The following PTPRH variants were observed in gnomAD, a reference collection of about 807,000 sequenced individuals.
PTPRH encodes receptor-type tyrosine-protein phosphatase H.
A neutral mutation model predicts 130.2 loss-of-function variants in PTPRH; 113 were observed. The observed-to-expected ratio is 0.87, with a 90% CI of 0.75 to 1.01. The LOEUF is 1.01. PTPRH is among the 50% of genes least tolerant of loss of function. The probability of loss-of-function intolerance (pLI) is 0.00; values close to 1 mark genes in which losing one functional copy is unlikely to be tolerated. For missense variants in PTPRH, 1,430 were observed against 1,425.0 expected (o/e 1.00, Z -0.06); for synonymous variants, 556 against 577.9 (o/e 0.96, Z 0.54).
chr19:55,189,510 C>A (rs149836625), intron 12 of PTPRH, among the ~76,000 whole-genome samples: 1 of 152,306 alleles, frequency 6.6e-6, no homozygotes, highest in East Asian at 1.9e-4. Flanking sequence ...GTCGGAGACG[C>A]ACGATGTTCT....
chr19:55,200,177 C>A, intron 7 of PTPRH, 59 bp downstream of exon 7: 1 of 1,586,074 alleles, frequency 6.3e-7, no homozygotes, highest in Non-Finnish European at 8.6e-7. Flanking sequence ...GGTGCCACGC[C>A]GCTCCTGCTG....
Position 55,200,517 on chromosome 19 carries a change from A to G in PTPRH, c.1154-15T>C, listed in dbSNP as rs751833176. On this transcript the variant is annotated splice_polypyrimidine_tract_variant and intron_variant, in intron 6 of 19. Coordinates refer to ENST00000376350, the MANE Select transcript of PTPRH (RefSeq NM_002842.5). ...TGGGTTGGGGGCTGAGAAAGTAGGA[A>G]GAAGATCCTATGTTGTCGGAGATAC... 1 of 1,613,022 alleles carries G rather than the reference A, an allele frequency of 6.2e-7. No homozygotes were observed.
rs542201125 is a variant in PTPRH, at chr19:55,207,347, A to G, written c.52-148T>C. 549 of 787,370 alleles carry G rather than the reference A, an allele frequency of 7.0e-4. 14 individuals are homozygous for G. In the East Asian group the frequency reaches 0.015, roughly 21 times the overall value. 48.8% of individuals were successfully genotyped at this position (787,370 alleles called of 1,614,324 possible). A position where few individuals can be genotyped will look rare whatever the true frequency, so the allele number is the denominator to read the frequency against. ...GCCGGTGTTAGGCTGGGCTGTCACG[A>G]CCTCGACCGTCTTTCCTGGGTCGAG... On this transcript the variant is annotated intron_variant, in intron 1 of 19. Coordinates refer to ENST00000376350, the MANE Select transcript of PTPRH (RefSeq NM_002842.5).
chr19:55,198,680 C>T lies in PTPRH; in HGVS notation c.1653G>A (p.Glu551=). The change falls in exon 8 of 20, where the codon GAG becomes GAA. Residue 551 remains glutamate, a synonymous_variant. Coordinates refer to ENST00000376350, the MANE Select transcript of PTPRH (RefSeq NM_002842.5). ...TGAGGGTGCTGTTATAGCCTCTGAC[C>T]TCATTCCTCTCGGCCCAGACGGTGA... ...YHLTVWAERN[E]VRGYNSTLTA... is the part of the protein sequence containing the mutation. 6.2e-7 allele frequency: 1 copy of T among 1,613,462 alleles called. No individual in the cohort carries two copies. Among genetic ancestry groups the T allele is most frequent in the Non-Finnish European group, 8.5e-7 (1 of 1,179,664 alleles).
At chr19:55,192,935 A>G (rs530597434) in intron 10 of PTPRH, among the ~76,000 whole-genome samples, 1 of 151,936 alleles carries the variant, frequency 6.6e-6, no homozygotes, top group South Asian at 2.1e-4. Flanking sequence ...TGGTTGCTGA[A>G]GAGTGACTCC....
At chr19:55,193,240 A>G (rs2086593619) in intron 10 of PTPRH, among the ~76,000 whole-genome samples, 1 of 151,564 alleles carries the variant, frequency 6.6e-6, no homozygotes, top group Non-Finnish European at 1.5e-5. Flanking sequence ...AAAAAAAAAA[A>G]AGAAAAAGAA....
chr19:55,189,813 C>A (rs541181980), intron 12 of PTPRH: 101 of 446,586 alleles, frequency 2.3e-4, no homozygotes, highest in Non-Finnish European at 3.2e-4. Flanking sequence ...AGACCACCCC[C>A]CCGACCTCCA....
chr19:55,207,212 C>T lies in PTPRH; in HGVS notation c.52-13G>A, dbSNP rs1364129355. The T allele has an allele frequency of 6.2e-7, 1 of 1,612,472 alleles. No homozygotes were observed. The highest frequency in any genetic ancestry group is 1.1e-5 in the South Asian group (1 of 90,834). ...AGCTGCACAGGCCCTGGAGGGAACCCAGAGAAAACGGAGTCAGCCTCTCAA... is the reference window on the plus strand; with the variant it reads ...AGCTGCACAGGCCCTGGAGGGAACCTAGAGAAAACGGAGTCAGCCTCTCAA... On this transcript the variant is annotated splice_polypyrimidine_tract_variant and intron_variant, in intron 1 of 19. Coordinates refer to ENST00000376350, the MANE Select transcript of PTPRH (RefSeq NM_002842.5).
intron 10 of PTPRH, chr19:55,192,013 T>C (rs1302753895): frequency 6.7e-6 from 4 of 598,128 alleles, no homozygotes; most frequent in African/African-American, 1.8e-5. Context: ...GGAAGACCTT[T>C]ATGATGATCT....
At chr19:55,200,052 G>T (rs1426587327) in intron 7 of PTPRH, among the ~76,000 whole-genome samples, 184 bp downstream of exon 7, 1 of 152,216 alleles carries the variant, frequency 6.6e-6, no homozygotes, top group Non-Finnish European at 1.5e-5. Context: ...GTCTGGATGG[G>T]CTCTCTTCTT....
chr19:55,190,553 A>G (rs539150680), intron 12 of PTPRH, among the ~76,000 whole-genome samples: 97 of 131,894 alleles, frequency 7.4e-4, no homozygotes, highest in Non-Finnish European at 9.7e-4. Flanking sequence ...AATATATAAT[A>G]TATTATATAT....
intron 14 of PTPRH, among the ~76,000 whole-genome samples, chr19:55,187,117 G>T (rs560088832): frequency 6.6e-6 from 1 of 151,020 alleles, no homozygotes; most frequent in Admixed American, 6.6e-5. Flanking sequence ...AGGCCGAGGC[G>T]GGCAGATCAC....
chr19:55,209,243 C>A lies in PTPRH; in HGVS notation c.51+140G>T, dbSNP rs1373863922. The A allele has an allele frequency of 2.6e-6, 2 of 763,824 alleles. No homozygotes were observed. Among genetic ancestry groups the A allele is most frequent in the Non-Finnish European group, 4.5e-6 (2 of 441,194 alleles). The allele number at this position is 763,824 out of a possible 1,614,324, so 47.3% of individuals were successfully genotyped here. A position where few individuals can be genotyped will look rare whatever the true frequency, so the allele number is the denominator to read the frequency against. The stretch of plus-strand genomic sequence containing the variant: ...GTGTAAGACTCTCCTACAGTCTCTG[C>A]CAAGCCTGAAGCCCTCTTCCTTCTC... On this transcript the variant is annotated intron_variant, in intron 1 of 19. Transcript: ENST00000376350. This position sits in a 1 kb window ranked among gnomAD's most constrained non-coding sequence, Gnocchi z 4.1.
Position 55,181,834 on chromosome 19 carries a change from T to G in PTPRH, c.3268A>C (p.Lys1090Gln). 6.2e-7 allele frequency: 1 copy of G among 1,614,154 alleles called. No homozygotes were observed. The highest frequency in any genetic ancestry group is 1.1e-5 in the South Asian group (1 of 91,066). The change falls in exon 20 of 20, where the codon AAG becomes CAG. Residue 1090 changes from lysine (K) to glutamine (Q), a missense_variant. Transcript: ENST00000376350. ...TCGACATCCTCATACGGGACTTCCT[T>G]CTCGGCTGGGGCCTGGGCTGACTGT... ...LQQSAQAPAE[K>Q]EVPYEDVENL...
chr19:55,196,794 T>C lies in PTPRH; in HGVS notation c.1991-6A>G, dbSNP rs10418878. 3,520 of 1,609,760 alleles carry C rather than the reference T, an allele frequency of 2.2e-3. 72 individuals carry two copies. The African/African-American group carries it at 0.043, about 20-fold the overall frequency. Reference sequence around the variant, plus strand: ...GATGGTGACTGTGTCTGGGTCTGGGTGAAGGAAGCAAGAGGTCAGCAGTGC... The same window carrying C: ...GATGGTGACTGTGTCTGGGTCTGGGCGAAGGAAGCAAGAGGTCAGCAGTGC... On this transcript the variant is annotated splice_polypyrimidine_tract_variant and splice_region_variant and intron_variant, in intron 9 of 19. Transcript: ENST00000376350.
intron 16 of PTPRH, 40 bp from the exon 17 acceptor site, chr19:55,186,024 A>G: frequency 1.2e-6 from 2 of 1,613,458 alleles, no homozygotes; most frequent in Non-Finnish European, 1.7e-6. Context: ...AACTCCTCTT[A>G]CCCAGGTCTG....
chr19:55,185,828 G>T, intron 17 of PTPRH, 34 bp downstream of exon 17: 2 of 1,613,962 alleles, frequency 1.2e-6, no homozygotes, highest in Non-Finnish European at 1.7e-6. Context: ...CACAGGGGAA[G>T]GCTGAGGGCC....
chr19:55,185,399 C>A, intron 18 of PTPRH, 103 bp downstream of exon 18: 1 of 1,301,902 alleles, frequency 7.7e-7, no homozygotes, highest in African/African-American at 1.5e-5. Flanking sequence ...CCTTCTCTCC[C>A]TCTTCACCTC....
At chr19:55,182,897 T>C (rs960867132) in intron 18 of PTPRH, among the ~76,000 whole-genome samples, 3 of 151,894 alleles carry the variant, frequency 2.0e-5, no homozygotes, top group Non-Finnish European at 2.9e-5. Flanking sequence ...TGGGCTCAAG[T>C]GATCCTCCTG....
Sources: allele counts gnomAD v4.1 joint callset (sites outside exome capture counted in the v4.1 genomes callset), GRCh38; gene constraint gnomAD v4.1.1; non-coding constraint Gnocchi (gnomAD v3.1); transcripts MANE v1.5; gene names NCBI Gene and HGNC (gene_info 2026-07-23, HGNC 2026-07-21).